Variants in CSTPP1 observed in about 807,000 individuals in gnomAD.
CSTPP1 encodes the protein centriolar satellite-associated tubulin polyglutamylase complex regulator 1.
the CSTPP1 span, among the ~76,000 whole-genome samples, chr11:47,044,867 C>A: frequency 6.6e-6 from 1 of 152,130 alleles, no homozygotes; most frequent in African/African-American, 2.4e-5. Flanking sequence ...TATGGTCATG[C>A]TACTGCACTC....
chr11:47,080,036 C>A, the CSTPP1 span, among the ~76,000 whole-genome samples: 1 of 152,184 alleles, frequency 6.6e-6, no homozygotes, highest in South Asian at 2.1e-4. Flanking sequence ...GCAAAGGTTG[C>A]AGTGAGCCAA....
At chr11:47,159,892 T>A in the CSTPP1 span, 1 of 351,356 alleles carries the variant, frequency 2.8e-6, no homozygotes, top group Non-Finnish European at 5.6e-6. Context: ...TAATTCCTGC[T>A]ACTGGGGAGG....
chr11:47,043,055 G>A, the CSTPP1 span, among the ~76,000 whole-genome samples: 10 of 152,142 alleles, frequency 6.6e-5, no homozygotes, highest in Non-Finnish European at 1.0e-4. Flanking sequence ...TGCAGTAAGT[G>A]GGACTGTAAC....
At chr11:47,066,671 G>A in the CSTPP1 span, among the ~76,000 whole-genome samples, 2 of 152,204 alleles carry the variant, frequency 1.3e-5, no homozygotes, top group Middle Eastern at 3.2e-3. Flanking sequence ...GTATGAAAGC[G>A]TTCAGCTAGC....
chr11:47,116,256 T>A, the CSTPP1 span, among the ~76,000 whole-genome samples: 1 of 152,238 alleles, frequency 6.6e-6, no homozygotes, highest in Non-Finnish European at 1.5e-5. Context: ...AATTTTAGAA[T>A]AAGCGTGATG....
the CSTPP1 span, chr11:47,159,538 G>A: frequency 2.3e-3 from 991 of 423,954 alleles, 5 homozygotes; most frequent in Admixed American, 6.7e-3. Flanking sequence ...AAACAGGCGA[G>A]AGTCAGGAAT....
At chr11:47,022,296 A>G in the CSTPP1 span, among the ~76,000 whole-genome samples, 6 of 145,798 alleles carry the variant, frequency 4.1e-5, no homozygotes, top group Admixed American at 1.4e-4. Context: ...TCTACATTGT[A>G]TCTTCTGAAG....
At chr11:46,988,469 C>T in the CSTPP1 span, among the ~76,000 whole-genome samples, 1 of 151,992 alleles carries the variant, frequency 6.6e-6, no homozygotes, top group Non-Finnish European at 1.5e-5. Context: ...CACAGAAAGA[C>T]AAACATTGGA....
At chr11:46,948,231 C>G in the CSTPP1 span, 1 of 446,306 alleles carries the variant, frequency 2.2e-6, no homozygotes, top group Non-Finnish European at 4.5e-6. Context: ...GGGCTGGCCT[C>G]CTTTCTCTCT....
At chr11:47,023,515 G>A in the CSTPP1 span, 1 of 152,230 alleles carries the variant, frequency 6.6e-6, no homozygotes, top group African/African-American at 2.4e-5. Context: ...CATTCACATT[G>A]TTCTGCAACC....
the CSTPP1 span, among the ~76,000 whole-genome samples, chr11:47,158,880 G>A: frequency 6.6e-6 from 1 of 152,164 alleles, no homozygotes; most frequent in Non-Finnish European, 1.5e-5. Context: ...CTGTGCTTGG[G>A]ATCCCAGGTG....
At chr11:47,048,735 AG>A in the CSTPP1 span, among the ~76,000 whole-genome samples, 1 of 152,076 alleles carries the variant, frequency 6.6e-6, no homozygotes, top group Non-Finnish European at 1.5e-5. Context: ...ATGATGAAAA[AG>A]TTTTGGGTAT....
At chr11:47,101,164 A>ATTTTTTTTTTTT in the CSTPP1 span, among the ~76,000 whole-genome samples, 119 of 30,368 alleles carry the variant, frequency 3.9e-3, 31 homozygotes, top group African/African-American at 0.012. Flanking sequence ...ACACCGGCTA[A>ATTTTTTTTTTTT]TTTTTTTTTT....
At chr11:47,138,087 A>C in the CSTPP1 span, 1 of 266,104 alleles carries the variant, frequency 3.8e-6, no homozygotes, top group Admixed American at 5.0e-5. Flanking sequence ...TACTGTAAAG[A>C]TACTACCCAA....
At chr11:47,115,313 A>G in the CSTPP1 span, among the ~76,000 whole-genome samples, 1 of 152,154 alleles carries the variant, frequency 6.6e-6, no homozygotes, top group East Asian at 1.9e-4. Flanking sequence ...TGTCTCTGCC[A>G]GGCTTTGGTA....
the CSTPP1 span, chr11:47,157,293 C>A: frequency 4.8e-6 from 7 of 1,463,224 alleles, 1 homozygote; most frequent in South Asian, 8.4e-5. Context: ...CAGAGCTCCG[C>A]AGGATGTTCT....
chr11:47,092,723 T>C, the CSTPP1 span, among the ~76,000 whole-genome samples: 2 of 152,218 alleles, frequency 1.3e-5, no homozygotes, highest in African/African-American at 2.4e-5. Flanking sequence ...TCCCCAATTG[T>C]TCCTAAACAT....
At chr11:47,124,643 G>C in the CSTPP1 span, among the ~76,000 whole-genome samples, 1 of 152,156 alleles carries the variant, frequency 6.6e-6, no homozygotes, top group Non-Finnish European at 1.5e-5. Context: ...AGGCATGACA[G>C]GAAGAAATTG....
At chr11:47,155,216 T>C in the CSTPP1 span, 1 of 1,614,060 alleles carries the variant, frequency 6.2e-7, no homozygotes, top group Non-Finnish European at 8.5e-7. Context: ...CTTGATGTCT[T>C]TTTCAGATTT....
Sources: allele counts gnomAD v4.1 joint callset (sites outside exome capture counted in the v4.1 genomes callset), GRCh38; gene constraint gnomAD v4.1.1; transcripts MANE v1.5; gene names NCBI Gene and HGNC (gene_info 2026-07-23, HGNC 2026-07-21).